ERC2: variants seen among roughly 807,000 people sequenced by gnomAD.
ERC2 encodes the protein ERC protein 2.
In ERC2, 42 loss-of-function variants were observed where a neutral mutation model predicts 114.8. The observed-to-expected ratio is 0.37, with a 90% CI of 0.29 to 0.47. The LOEUF is 0.47. Ranked by LOEUF, ERC2 falls within the 20% of genes least tolerant of loss-of-function variation. The pLI is 0.99. For missense variants in ERC2, 939 were observed against 1,150.7 expected (o/e 0.82, Z 2.66); for synonymous variants, 454 against 425.5 (o/e 1.07, Z -0.82).
chr3:55,859,877 C>A (rs899307957), intron 14 of ERC2, among the ~76,000 whole-genome samples: 1 of 151,926 alleles, frequency 6.6e-6, no homozygotes, highest in African/African-American at 2.4e-5. Flanking sequence ...ACTGTGCTTT[C>A]AAAATTGATT....
intron 2 of ERC2, among the ~76,000 whole-genome samples, chr3:56,372,206 C>T (rs904333565): frequency 6.6e-6 from 1 of 152,130 alleles, no homozygotes; most frequent in Non-Finnish European, 1.5e-5. Flanking sequence ...TCTCACATTC[C>T]CACTGATGGT....
chr3:55,655,656 T>C (rs1575968517), intron 17 of ERC2, among the ~76,000 whole-genome samples: 1 of 152,154 alleles, frequency 6.6e-6, no homozygotes, highest in African/African-American at 2.4e-5. Flanking sequence ...AGTTGCTGGG[T>C]CAGCCAGGCC....
chr3:56,411,376 T>C (rs1186724045), intron 2 of ERC2, among the ~76,000 whole-genome samples: 1 of 151,804 alleles, frequency 6.6e-6, no homozygotes, highest in African/African-American at 2.4e-5. Flanking sequence ...TGCTTTCAGC[T>C]TCTCTTGGAT....
At chr3:55,752,767 C>G (rs868515749) in intron 14 of ERC2, among the ~76,000 whole-genome samples, 14 of 47,126 alleles carry the variant, frequency 3.0e-4, no homozygotes, top group African/African-American at 2.7e-3. Context: ...GATTCGAACC[C>G]GGGTATTTAT....
rs532037914 is a variant in ERC2 at position 56,467,919 on chromosome 3, T to C, written c.-141+329A>G. Among the ~76,000 whole-genome samples the C allele has an allele frequency of 2.6e-5, 4 of 152,100 alleles. No individual in the cohort carries two copies. The South Asian group carries it at 8.3e-4, about 32-fold the overall frequency. Reference sequence around the variant, plus strand: ...GGGGGATCTGAGAGAAGAAAGGCGATGGCAGTGAGGGTGGCTGCCGGAGAG... The same window carrying C: ...GGGGGATCTGAGAGAAGAAAGGCGACGGCAGTGAGGGTGGCTGCCGGAGAG... On this transcript the variant is annotated intron_variant, in intron 1 of 17. Transcript: ENST00000288221.
intron 1 of ERC2, among the ~76,000 whole-genome samples, chr3:56,441,388 G>A (rs940630565): frequency 9.2e-5 from 14 of 152,118 alleles, no homozygotes; most frequent in Admixed American, 9.2e-4. Context: ...AATCAGGTGG[G>A]AAGTAAGAAA....
At chr3:56,044,440 C>CTGAA (rs1480548789) in intron 7 of ERC2, among the ~76,000 whole-genome samples, 2 of 151,720 alleles carry the variant, frequency 1.3e-5, no homozygotes, top group African/African-American at 4.8e-5. Context: ...ACTTTATGAG[C>CTGAA]TGAACATTTG....
chr3:55,582,147 C>G (rs1038976273), intron 17 of ERC2, among the ~76,000 whole-genome samples: 2 of 152,290 alleles, frequency 1.3e-5, no homozygotes, highest in African/African-American at 4.8e-5. Flanking sequence ...GAAGCAATTC[C>G]TCGTGGCTAG....
intron 6 of ERC2, among the ~76,000 whole-genome samples, chr3:56,130,845 G>A (rs189025011): frequency 1.6e-4 from 24 of 152,278 alleles, no homozygotes; most frequent in Admixed American, 9.8e-4. Flanking sequence ...AGGTAAATGT[G>A]GCCCCTATAG....
chr3:56,398,698 G>T (rs1415245452), intron 2 of ERC2, among the ~76,000 whole-genome samples: 6 of 152,050 alleles, frequency 3.9e-5, no homozygotes, highest in African/African-American at 1.4e-4. Flanking sequence ...TATGATCATA[G>T]TTCACTGTAA....
At chr3:55,536,098 T>C (rs531015978) in intron 17 of ERC2, among the ~76,000 whole-genome samples, 21 of 152,338 alleles carry the variant, frequency 1.4e-4, no homozygotes, top group African/African-American at 4.6e-4. Context: ...TTCTAAAACA[T>C]ACAAATTGGC....
At chr3:55,523,579 C>T (rs1263112803) in intron 17 of ERC2, among the ~76,000 whole-genome samples, 1 of 152,212 alleles carries the variant, frequency 6.6e-6, no homozygotes, top group South Asian at 2.1e-4. Context: ...CCCCTCTCCC[C>T]ATATGCACTC....
intron 6 of ERC2, among the ~76,000 whole-genome samples, chr3:56,121,553 C>T (rs1258021156): frequency 1.3e-5 from 2 of 152,068 alleles, no homozygotes; most frequent in East Asian, 1.9e-4. Flanking sequence ...AATACAAATG[C>T]TCCAACTCTC....
At chr3:56,031,216 G>A (rs564884581) in intron 7 of ERC2, among the ~76,000 whole-genome samples, 3 of 152,218 alleles carry the variant, frequency 2.0e-5, no homozygotes, top group Non-Finnish European at 2.9e-5. Context: ...CTTTTGGTCT[G>A]CACCCAGACA....
chr3:55,685,213 A>G (rs1287071077), intron 16 of ERC2, among the ~76,000 whole-genome samples: 1 of 152,218 alleles, frequency 6.6e-6, no homozygotes, highest in Non-Finnish European at 1.5e-5. Context: ...ATACTGCCAA[A>G]GGGATCCACG....
At chr3:55,518,014 G>A (rs1489076580) in intron 17 of ERC2, among the ~76,000 whole-genome samples, 1 of 152,170 alleles carries the variant, frequency 6.6e-6, no homozygotes, top group Non-Finnish European at 1.5e-5. Context: ...GGGGCTGGAT[G>A]ATTCTTTGCT....
intron 17 of ERC2, among the ~76,000 whole-genome samples, chr3:55,522,768 T>C (rs1183732298): frequency 6.6e-6 from 1 of 152,208 alleles, no homozygotes; most frequent in Non-Finnish European, 1.5e-5. Flanking sequence ...AAGTGAACTC[T>C]GTAAATGTCT....
Position 55,573,241 on chromosome 3 carries a change from T to C in ERC2, c.*40-61965A>G, listed in dbSNP as rs181323778. Among the ~76,000 whole-genome samples the C allele has an allele frequency of 8.5e-5, 13 of 152,312 alleles. No individual in the cohort carries two copies. In the East Asian group the frequency reaches 2.1e-3, roughly 25 times the overall value. On this transcript the variant is annotated intron_variant, in intron 17 of 17. Coordinates refer to ENST00000288221, the MANE Select transcript of ERC2 (RefSeq NM_015576.3). Reference sequence around the variant, plus strand: ...CAATGTTTATTAGCAAAGTATTTAGTTTTCTCTGTGCCTCAGTTCCCTCAT... The same window carrying C: ...CAATGTTTATTAGCAAAGTATTTAGCTTTCTCTGTGCCTCAGTTCCCTCAT...
intron 8 of ERC2, among the ~76,000 whole-genome samples, chr3:56,012,580 T>G (rs1322587149): frequency 6.6e-6 from 1 of 152,094 alleles, no homozygotes; most frequent in Non-Finnish European, 1.5e-5. Context: ...GAAAAGGTAA[T>G]AAAATTAAGC....
Sources: allele counts gnomAD v4.1 joint callset (sites outside exome capture counted in the v4.1 genomes callset), GRCh38; gene constraint gnomAD v4.1.1; transcripts MANE v1.5; gene names NCBI Gene and HGNC (gene_info 2026-07-23, HGNC 2026-07-21).